The following AP2A2 variants were observed in gnomAD, a reference collection of about 807,000 sequenced individuals.
AP2A2 encodes the protein adaptor related protein complex 2 subunit alpha 2.
Under a neutral mutation model 104.2 loss-of-function variants are expected in AP2A2, and 32 were observed. That is an observed-to-expected ratio of 0.31 (90% CI 0.23 to 0.41). The LOEUF (loss-of-function observed/expected upper bound fraction) is 0.41. Among genes scored for constraint, AP2A2 ranks in the 10% least tolerant of loss-of-function variants. AP2A2 has a pLI of 1.00. For missense variants in AP2A2, 912 were observed against 1,261.0 expected (o/e 0.72, Z 4.19); for synonymous variants, 539 against 533.3 (o/e 1.01, Z -0.15).
At chr11:960,288 T>C (rs1854386741) in intron 2 of AP2A2, among the ~76,000 whole-genome samples, 1 of 151,342 alleles carries the variant, frequency 6.6e-6, no homozygotes, top group South Asian at 2.1e-4. Context: ...TGTCGCTCAG[T>C]GTGGAGTGCA....
At chr11:984,812 A>C (rs1855396077) in intron 7 of AP2A2, 59 bp downstream of exon 7, 3 of 1,351,092 alleles carry the variant, frequency 2.2e-6, no homozygotes, top group Non-Finnish European at 3.2e-6. Context: ...TCCCTGTCTC[A>C]GATTTAAGTG....
chr11:938,368 G>T (rs1246773102), intron 1 of AP2A2, among the ~76,000 whole-genome samples: 1 of 152,060 alleles, frequency 6.6e-6, no homozygotes, highest in Non-Finnish European at 1.5e-5. Flanking sequence ...TGTGAGATGG[G>T]TCTCCATCAT....
chr11:995,931 T>G (rs971857294), intron 14 of AP2A2: 6 of 151,592 alleles, frequency 4.0e-5, no homozygotes, highest in African/African-American at 1.5e-4. Flanking sequence ...GCGTCTTCCC[T>G]TCACGCCTGA....
rs1856371720 is a variant in AP2A2 at position 1,010,137 on chromosome 11, CT to C, written c.2742+321del. The C allele has an allele frequency of 4.4e-5, 21 of 475,828 alleles. No homozygotes were observed. The South Asian group carries it at 6.1e-4, about 14-fold the overall frequency. 29.5% of individuals were successfully genotyped at this position (475,828 alleles called of 1,614,324 possible). ...CGTCCCACCATGGAGCAGCCTGGCC[CT>C]GGGCGGTGGCTCTCCCAGCTGTTCC... On this transcript the variant is annotated intron_variant, in intron 21 of 21. Transcript: ENST00000448903.
chr11:925,981 G>T lies in AP2A2; in HGVS notation c.-41G>T. On this transcript the variant is annotated 5_prime_UTR_variant, in exon 1 of 22. Coordinates refer to ENST00000448903, the MANE Select transcript of AP2A2 (RefSeq NM_012305.4). ...CGCTTCCCGCTCCCCGCGCTCCTCCGCCCGGGTCCGCCAGCCGAGGCCGCT... is the reference window on the plus strand; with the variant it reads ...CGCTTCCCGCTCCCCGCGCTCCTCCTCCCGGGTCCGCCAGCCGAGGCCGCT... 7.3e-7 allele frequency: 1 copy of T among 1,377,318 alleles called. No individual in the cohort carries two copies. 85.3% of individuals were successfully genotyped at this position (1,377,318 alleles called of 1,614,324 possible).
intron 6 of AP2A2, among the ~76,000 whole-genome samples, chr11:982,644 G>C (rs1358176373): frequency 6.6e-6 from 1 of 150,486 alleles, no homozygotes; most frequent in Non-Finnish European, 1.5e-5. Context: ...AGTTTTCTTT[G>C]TGGGAAACTT....
chr11:977,050 C>T (rs1855067569), intron 4 of AP2A2, 45 bp from the exon 5 acceptor site: 2 of 1,611,014 alleles, frequency 1.2e-6, no homozygotes, highest in Non-Finnish European at 1.7e-6. Flanking sequence ...CAGCTCTGCG[C>T]TGTCTTCAGC....
chr11:944,207 G>T (rs1250500778), intron 1 of AP2A2, among the ~76,000 whole-genome samples: 3 of 152,232 alleles, frequency 2.0e-5, no homozygotes, highest in Non-Finnish European at 4.4e-5. Flanking sequence ...GGCACCTCTG[G>T]TGATCCCGTC....
chr11:985,686 G>A, intron 8 of AP2A2, 104 bp downstream of exon 8: 1 of 1,501,578 alleles, frequency 6.7e-7, no homozygotes, highest in South Asian at 1.2e-5. Flanking sequence ...CCACTCCATG[G>A]GCCTCCCCTT....
chr11:930,715 T>A (rs536575223), intron 1 of AP2A2, among the ~76,000 whole-genome samples: 2 of 152,096 alleles, frequency 1.3e-5, no homozygotes, highest in East Asian at 3.9e-4. Context: ...AGAGACGGGG[T>A]TTCACCGTGT....
chr11:988,498 C>T, intron 9 of AP2A2, 54 bp from the exon 10 acceptor site: 1 of 1,588,274 alleles, frequency 6.3e-7, no homozygotes, highest in Non-Finnish European at 8.6e-7. Context: ...CCCAGCCTGT[C>T]CCCAAGCTTG....
chr11:992,776 C>A lies in AP2A2; in HGVS notation c.1452+91C>A, dbSNP rs143278363. ...GTTCCAGCCTGCCTGCGTGGAGGTG[C>A]CGAGGGCCGTTGCTGACCCCTCTTG... On this transcript the variant is annotated intron_variant, in intron 11 of 21. Coordinates refer to ENST00000448903, the MANE Select transcript of AP2A2 (RefSeq NM_012305.4). This position sits in a 1 kb window ranked among gnomAD's most constrained non-coding sequence, Gnocchi z 6.4. The A allele has an allele frequency of 1.8e-3, 2,617 of 1,450,274 alleles. 16 individuals carry two copies. Among genetic ancestry groups the A allele is most frequent in the South Asian group, 0.011 (892 of 82,976 alleles). The allele number at this position is 1,450,274 out of a possible 1,614,324, so 89.8% of individuals were successfully genotyped here. A position where few individuals can be genotyped will look rare whatever the true frequency, so the allele number is the denominator to read the frequency against.
intron 1 of AP2A2, among the ~76,000 whole-genome samples, chr11:929,591 TC>T (rs1853221992): frequency 6.6e-6 from 1 of 152,174 alleles, no homozygotes; most frequent in African/African-American, 2.4e-5. Context: ...TAAGTTTTCC[TC>T]CTTTAGCCTG....
Position 1,009,786 on chromosome 11 carries a change from T to A in AP2A2, c.2711T>A (p.Leu904Gln). Residue 904 changes from leucine (L) to glutamine (Q), a missense_variant, in exon 21 of 22, where the codon CTG becomes CAG. Around this residue, in one of 7 missense-constraint regions of AP2A2, gnomAD observed 239 missense variants for 329.8 expected, o/e 0.72. Coordinates refer to ENST00000448903, the MANE Select transcript of AP2A2 (RefSeq NM_012305.4). ...IHTKTTQIGC[L>Q]LRLEPNLQAQ... ...ACGAAAACCACCCAGATTGGATGCC[T>A]GCTGCGCTTGGAGCCGAACCTGCAA... 1 of 1,549,232 alleles carries A rather than the reference T, an allele frequency of 6.5e-7. No homozygotes were observed. Among genetic ancestry groups the A allele is most frequent in the African/African-American group, 1.4e-5 (1 of 73,172 alleles).
chr11:998,797 A>AATTCTCCT (rs1855938570), intron 14 of AP2A2, among the ~76,000 whole-genome samples: 2 of 152,016 alleles, frequency 1.3e-5, no homozygotes, highest in Non-Finnish European at 2.9e-5. Flanking sequence ...TCCTGGTTTC[A>AATTCTCCT]GTTCTCCTGC....
chr11:992,536 G>A lies in AP2A2; in HGVS notation c.1303G>A (p.Ala435Thr). The A allele has an allele frequency of 6.2e-7, 1 of 1,608,938 alleles. No homozygotes were observed. Among genetic ancestry groups the A allele is most frequent in the Non-Finnish European group, 8.5e-7 (1 of 1,177,672 alleles). ...GGTCGCCATCCTGGCTGAGAAGTAC[G>A]CGGTGGACTACACCTGGTATGTGGA... Reference protein sequence around the residue: ...LKVAILAEKYAVDYTWYVDTI... With the variant: ...LKVAILAEKYTVDYTWYVDTI... Residue 435 changes from alanine (A) to threonine (T), a missense_variant, in exon 11 of 22, where the codon GCG becomes ACG. By Grantham distance (58) the Ala-to-Thr change is moderately conservative (BLOSUM62 0). Transcript: ENST00000448903. The surrounding 1 kb of genome is among the most constrained non-coding windows in gnomAD (Gnocchi z 6.4).
chr11:975,411 C>T (rs1182538832), intron 4 of AP2A2, among the ~76,000 whole-genome samples: 8 of 148,670 alleles, frequency 5.4e-5, no homozygotes, highest in Admixed American at 1.3e-4. Flanking sequence ...GTGGGGTCCT[C>T]GGTCTCCCTT....
At chr11:926,170 C>T in intron 1 of AP2A2, 82 bp downstream of exon 1, 5 of 998,294 alleles carry the variant, frequency 5.0e-6, no homozygotes, top group African/African-American at 1.7e-5. Context: ...GGGGCGGGGC[C>T]TCGAGGCGGG....
chr11:996,239 G>GTT (rs1855854078), intron 14 of AP2A2: 1 of 152,468 alleles, frequency 6.6e-6, no homozygotes, highest in Non-Finnish European at 1.5e-5. Flanking sequence ...AGGAGGCGAG[G>GTT]GCAGGATGAC....
Sources: gnomAD v4.1 joint callset for allele counts (sites outside exome capture counted in the v4.1 genomes callset) on GRCh38, gnomAD v4.1.1 for gene constraint, gnomAD v4.1.1 regional missense constraint, Gnocchi (gnomAD v3.1) non-coding constraint, MANE v1.5 for transcripts, NCBI Gene and HGNC (gene_info 2026-07-23, HGNC 2026-07-21) for gene names.